Variants in APOO observed in about 807,000 individuals in gnomAD.
APOO encodes MICOS complex subunit MIC26.
In APOO, 11 loss-of-function variants were observed where a neutral mutation model predicts 23.1. That is an observed-to-expected ratio of 0.48 (90% CI 0.30 to 0.79). The LOEUF (loss-of-function observed/expected upper bound fraction) is 0.79. Among genes scored for constraint, APOO ranks in the 30% least tolerant of loss-of-function variants. APOO has a pLI of 0.07. For missense variants in APOO, 160 were observed against 142.7 expected, an observed-to-expected ratio of 1.12 and a Z score of -0.62; for synonymous variants, 59 against 54.8, an observed-to-expected ratio of 1.08 and a Z score of -0.34.
At chrX:23,871,088 C>CAAAAAACA (rs1054275790) in intron 4 of APOO, among the ~76,000 whole-genome samples, 2 of 104,742 alleles carry the variant, frequency 1.9e-5, no homozygotes, top group Non-Finnish European at 3.9e-5. Flanking sequence ...GACTCTGTCT[C>CAAAAAACA]AAAAAACAAA....
intron 1 of APOO, chrX:23,883,949 T>C (rs1041069709): frequency 8.9e-6 from 1 of 112,077 alleles, no homozygotes; most frequent in South Asian, 3.6e-4. Context: ...TCTTAGGCAG[T>C]TCTACAGAAA....
chrX:23,862,814 C>T (rs775593287), intron 5 of APOO, among the ~76,000 whole-genome samples: 8 of 83,554 alleles, frequency 9.6e-5, no homozygotes, highest in Admixed American at 5.8e-4. Context: ...AGGGACGGGA[C>T]GAGAAGGGAA....
intron 1 of APOO, among the ~76,000 whole-genome samples, chrX:23,892,640 C>T (rs1371848841): frequency 9.3e-6 from 1 of 107,606 alleles, no homozygotes; most frequent in African/African-American, 3.4e-5. Flanking sequence ...TGGTGGCGGG[C>T]GCCTGTAGTC....
intron 4 of APOO, 55 bp downstream of exon 4, chrX:23,874,348 A>C (rs1183194518): frequency 2.0e-6 from 2 of 1,005,971 alleles, no homozygotes; most frequent in East Asian, 3.1e-5. Context: ...AACTCCGATT[A>C]AAGAGTTCAA....
chrX:23,835,725 C>CA (rs58910598), intron 8 of APOO, among the ~76,000 whole-genome samples: 32,897 of 99,362 alleles, frequency 0.33, 4,061 homozygotes, highest in South Asian at 0.75. Flanking sequence ...CTGTCTATGG[C>CA]AAAAAAAAAA....
chrX:23,883,532 G>A (rs1171431405), intron 1 of APOO: 1 of 111,416 alleles, frequency 9.0e-6, no homozygotes, highest in Non-Finnish European at 1.9e-5. Context: ...CATCTGCTGA[G>A]TGCTACTTCC....
chrX:23,895,627 G>A (rs1926861840), intron 1 of APOO, among the ~76,000 whole-genome samples: 1 of 110,587 alleles, frequency 9.0e-6, no homozygotes, highest in African/African-American at 3.3e-5. Flanking sequence ...TTCATGTTCC[G>A]CACATGTATC....
Position 23,907,937 on chromosome X carries a change from A to C in APOO, c.-235T>G. The stretch of plus-strand genomic sequence containing the variant: ...GCGCCCGGGCAGCGGGTGAACGCAA[A>C]CCCCGCCCTCCAGGAGGCTCCGCCC... On this transcript the variant is annotated 5_prime_UTR_variant, in exon 1 of 9. Transcript: ENST00000379226. 5.7e-6 allele frequency: 2 copies of C among 348,144 alleles called. No homozygotes were observed. The highest frequency in any genetic ancestry group is 7.6e-5 in the South Asian group (1 of 13,213). The allele number at this position is 348,144 out of a possible 1,213,427, so 28.7% of individuals were successfully genotyped here.
intron 8 of APOO, among the ~76,000 whole-genome samples, chrX:23,838,640 G>C (rs1282111299): frequency 9.2e-6 from 1 of 108,263 alleles, no homozygotes; most frequent in Admixed American, 1.0e-4. Context: ...GGGTGGTCTC[G>C]ATCTCTCGAC....
At chrX:23,878,823 A>G (rs1925978190) in intron 3 of APOO, 92 bp downstream of exon 3, 2 of 1,077,930 alleles carry the variant, frequency 1.9e-6, no homozygotes, top group African/African-American at 1.9e-5. Context: ...GCCCTTTATC[A>G]TGCCTTTTTC....
intron 7 of APOO, among the ~76,000 whole-genome samples, chrX:23,852,911 G>A (rs1924609235): frequency 1.8e-5 from 2 of 109,889 alleles, no homozygotes; most frequent in African/African-American, 6.6e-5. Flanking sequence ...CAGCTCCAAG[G>A]CCCCAGAAAG....
At chrX:23,854,344 C>A (rs1924684480) in intron 7 of APOO, among the ~76,000 whole-genome samples, 1 of 111,880 alleles carries the variant, frequency 8.9e-6, no homozygotes, top group Non-Finnish European at 1.9e-5. Context: ...CTCCGGGGAG[C>A]CTGGGGGACT....
At chrX:23,892,023 T>C (rs1039180762) in intron 1 of APOO, among the ~76,000 whole-genome samples, 1 of 110,452 alleles carries the variant, frequency 9.1e-6, no homozygotes, top group Non-Finnish European at 1.9e-5. Context: ...CCTTATTTAA[T>C]GATCCTACAA....
At chrX:23,880,442 G>A in intron 2 of APOO, among the ~76,000 whole-genome samples, 1 of 111,926 alleles carries the variant, frequency 8.9e-6, no homozygotes. Flanking sequence ...GCTCACGCTT[G>A]TAATCCCAGC....
intron 1 of APOO, among the ~76,000 whole-genome samples, chrX:23,897,764 G>A (rs1343019405): frequency 9.0e-6 from 1 of 110,954 alleles, no homozygotes; most frequent in Non-Finnish European, 1.9e-5. Flanking sequence ...GAGGTGGGCG[G>A]ATCCTTTGAG....
intron 2 of APOO, among the ~76,000 whole-genome samples, chrX:23,880,617 T>C (rs2147020802): frequency 9.1e-6 from 1 of 110,099 alleles, no homozygotes; most frequent in Admixed American, 9.9e-5. Flanking sequence ...GAGAATGGCT[T>C]GAACCAGGAG....
chrX:23,880,893 T>C lies in APOO; in HGVS notation c.69A>G (p.Ala23=). The change falls in exon 2 of 9, where the codon GCA becomes GCG. Residue 23 remains alanine (A), a synonymous_variant. Coordinates refer to ENST00000379226, the MANE Select transcript of APOO (RefSeq NM_024122.5). ...SLSLLTFKVY[A]APKKDSPPKN... is the part of the protein sequence containing the mutation. ...TGGGAGGTGAGTCCTTTTTTGGTGC[T>C]GCATAGACTTTGAAGGTGAGCAAGC... is the stretch of plus-strand genomic sequence containing the variant. 8.4e-7 allele frequency: 1 copy of C among 1,190,986 alleles called. No homozygotes were observed. The highest frequency in any genetic ancestry group is 1.1e-6 in the Non-Finnish European group (1 of 886,845).
intron 3 of APOO, among the ~76,000 whole-genome samples, chrX:23,876,368 A>G (rs1312645095): frequency 9.5e-6 from 1 of 104,715 alleles, no homozygotes; most frequent in East Asian, 2.9e-4. Flanking sequence ...AGATCTCTTG[A>G]GCCCAGGAGT....
intron 7 of APOO, among the ~76,000 whole-genome samples, chrX:23,850,965 T>G (rs1924507767): frequency 9.0e-6 from 1 of 111,573 alleles, no homozygotes; most frequent in African/African-American, 3.3e-5. Flanking sequence ...CTCATCTAGA[T>G]AAACTTATAT....
Sources: gnomAD v4.1 joint callset for allele counts (sites outside exome capture counted in the v4.1 genomes callset) on GRCh38, gnomAD v4.1.1 for gene constraint, MANE v1.5 for transcripts, NCBI Gene and HGNC (gene_info 2026-07-23, HGNC 2026-07-21) for gene names.